The following SLC24A2 variants were observed in gnomAD, a reference collection of about 807,000 sequenced individuals.
SLC24A2 encodes the protein sodium/potassium/calcium exchanger 2.
A neutral mutation model predicts 62.0 loss-of-function variants in SLC24A2; 36 were observed. The ratio of observed to expected loss-of-function variants is 0.58; its 90% CI spans 0.44 to 0.77. The LOEUF is 0.77. SLC24A2 is among the 30% of genes least tolerant of loss of function. The pLI is 0.00. For synonymous variants in SLC24A2, 358 were observed against 294.0 expected (o/e 1.22, Z -2.23); for missense variants, 846 against 817.9 (o/e 1.03, Z -0.42).
the SLC24A2 span, among the ~76,000 whole-genome samples, chr9:20,068,817 T>C: frequency 6.6e-6 from 1 of 152,216 alleles, no homozygotes; most frequent in African/African-American, 2.4e-5. Flanking sequence ...GAAAATGAAC[T>C]GATCCTGCTG....
intron 8 of SLC24A2, among the ~76,000 whole-genome samples, chr9:19,534,282 T>C (rs1000488293): frequency 2.6e-5 from 4 of 152,230 alleles, no homozygotes; most frequent in Non-Finnish European, 5.9e-5. Context: ...TCTGTGGTTA[T>C]ATGTGGCCAT....
intron 7 of SLC24A2, among the ~76,000 whole-genome samples, chr9:19,553,330 G>C (rs1368956332): frequency 6.6e-6 from 1 of 152,136 alleles, no homozygotes; most frequent in Non-Finnish European, 1.5e-5. Flanking sequence ...GTGGTATGCT[G>C]GCTTTGACCT....
Position 19,566,854 on chromosome 9 carries a change from G to A in SLC24A2, c.1347+6497C>T, listed in dbSNP as rs149356727. Among the ~76,000 whole-genome samples, 718 of 151,448 alleles carry A rather than the reference G, an allele frequency of 4.7e-3. 5 individuals are homozygous for A. Among genetic ancestry groups the A allele is most frequent in the African/African-American group, 0.016 (671 of 41,262 alleles). ...AAACAATCATTCTCAGCAAACTATC[G>A]CAAGAACAAAAAACCAAACACAGCA... On this transcript the variant is annotated intron_variant, in intron 7 of 10. Coordinates refer to ENST00000341998, the MANE Select transcript of SLC24A2 (RefSeq NM_020344.4).
chr9:19,728,302 G>GAA (rs561269789), intron 2 of SLC24A2, among the ~76,000 whole-genome samples: 38 of 119,324 alleles, frequency 3.2e-4, no homozygotes, highest in Admixed American at 3.5e-4. Flanking sequence ...ATTAGTGACA[G>GAA]AAAAAAAAAA....
chr9:19,993,856 A>G, the SLC24A2 span, among the ~76,000 whole-genome samples: 1 of 152,340 alleles, frequency 6.6e-6, no homozygotes, highest in Non-Finnish European at 1.5e-5. Context: ...GATTGAAAAC[A>G]CAATCATTAA....
chr9:19,750,565 C>T (rs1821953368), intron 2 of SLC24A2, among the ~76,000 whole-genome samples: 1 of 152,078 alleles, frequency 6.6e-6, no homozygotes, highest in Non-Finnish European at 1.5e-5. Flanking sequence ...GCAAAAGGGT[C>T]TGAACTGAGC....
chr9:19,669,554 TA>T (rs1819354267), intron 2 of SLC24A2, among the ~76,000 whole-genome samples: 1 of 152,246 alleles, frequency 6.6e-6, no homozygotes, highest in African/African-American at 2.4e-5. Flanking sequence ...CTCACTGAGC[TA>T]AAAGCAAAGT....
At chr9:20,240,853 C>A in the SLC24A2 span, among the ~76,000 whole-genome samples, 9 of 152,202 alleles carry the variant, frequency 5.9e-5, no homozygotes, top group Non-Finnish European at 7.3e-5. Flanking sequence ...TCACCAGCCC[C>A]TTCTGCACCT....
the SLC24A2 span, among the ~76,000 whole-genome samples, chr9:19,821,177 T>C: frequency 2.0e-5 from 3 of 152,022 alleles, no homozygotes; most frequent in South Asian, 4.1e-4. Context: ...CTATTTGTAC[T>C]GCACTGTGAG....
chr9:19,923,504 C>G, the SLC24A2 span, among the ~76,000 whole-genome samples: 1 of 152,168 alleles, frequency 6.6e-6, no homozygotes, highest in Non-Finnish European at 1.5e-5. Context: ...ACCTACCCAG[C>G]CACACATCAA....
chr9:19,869,866 T>G, the SLC24A2 span, among the ~76,000 whole-genome samples: 7 of 152,360 alleles, frequency 4.6e-5, no homozygotes, highest in African/African-American at 9.6e-5. Context: ...TTTGTGTGCA[T>G]TCAAGCTACT....
chr9:19,583,369 C>T (rs543192200), intron 5 of SLC24A2, among the ~76,000 whole-genome samples: 9 of 152,318 alleles, frequency 5.9e-5, no homozygotes, highest in Admixed American at 2.0e-4. Flanking sequence ...CTCTCTCCAG[C>T]ATTTCTTATC....
intron 2 of SLC24A2, among the ~76,000 whole-genome samples, chr9:19,700,194 A>G (rs1820314736): frequency 6.6e-6 from 1 of 152,190 alleles, no homozygotes; most frequent in African/African-American, 2.4e-5. Flanking sequence ...GTTTTATGAC[A>G]TCACTTAAAT....
chr9:19,963,199 C>T, the SLC24A2 span, among the ~76,000 whole-genome samples: 1 of 127,936 alleles, frequency 7.8e-6, no homozygotes, highest in African/African-American at 2.7e-5. Context: ...CTTCCTTACA[C>T]CTTATATACA....
intron 4 of SLC24A2, among the ~76,000 whole-genome samples, chr9:19,598,697 A>T (rs1179870278): frequency 6.6e-6 from 1 of 152,066 alleles, no homozygotes; most frequent in African/African-American, 2.4e-5. Flanking sequence ...ATATATATAT[A>T]TTCTGGTATT....
chr9:20,116,344 C>T, the SLC24A2 span, among the ~76,000 whole-genome samples: 2 of 152,094 alleles, frequency 1.3e-5, no homozygotes, highest in East Asian at 3.9e-4. Flanking sequence ...ATCTTAGAAC[C>T]CTTAAGCACT....
intron 2 of SLC24A2, among the ~76,000 whole-genome samples, chr9:19,684,425 G>A (rs149654019): frequency 2.0e-5 from 3 of 152,130 alleles, no homozygotes; most frequent in East Asian, 1.9e-4. Flanking sequence ...ACTAGTTTCC[G>A]TGATGATCAA....
At chr9:19,612,141 T>C (rs1837192058) in intron 4 of SLC24A2, among the ~76,000 whole-genome samples, 2 of 152,204 alleles carry the variant, frequency 1.3e-5, no homozygotes, top group South Asian at 4.1e-4. Flanking sequence ...GCACAGTACC[T>C]GGTACCTAGT....
Position 19,528,062 on chromosome 9 carries a change from C to T in SLC24A2, c.1556G>A (p.Trp519Ter). The change falls in exon 9 of 11, where the codon TGG (tryptophan) becomes TAG (stop). Residue 519 changes from tryptophan to a stop codon, truncating the protein, a stop_gained. Transcript: ENST00000341998. LOFTEE classifies it high-confidence loss of function. ...TCAAAATCTTACCTGGTGCGCCCACCAGACCATCAAGTAAGAGAATACTGC... is the reference window on the plus strand; with the variant it reads ...TCAAAATCTTACCTGGTGCGCCCACTAGACCATCAAGTAAGAGAATACTGC... ...WIAVFSYLMV[W>*]WAHQVGETIG... 1 of 1,592,034 alleles carries T rather than the reference C, an allele frequency of 6.3e-7. No homozygotes were observed. The highest frequency in any genetic ancestry group is 8.6e-7 in the Non-Finnish European group (1 of 1,167,660).
Sources: gnomAD v4.1 joint callset for allele counts (sites outside exome capture counted in the v4.1 genomes callset) on GRCh38, gnomAD v4.1.1 for gene constraint, MANE v1.5 for transcripts, NCBI Gene and HGNC (gene_info 2026-07-23, HGNC 2026-07-21) for gene names.